The following AFF3 variants were observed in gnomAD, a reference collection of about 807,000 sequenced individuals.
The protein encoded by AFF3 is AF4/FMR2 family member 3.
In AFF3, 32 loss-of-function variants were observed where a neutral mutation model predicts 129.7. That is an observed-to-expected ratio of 0.25 (90% CI 0.19 to 0.33). AFF3 has a LOEUF of 0.33. Among genes scored for constraint, AFF3 ranks in the 10% least tolerant of loss-of-function variants. AFF3 has a pLI of 1.00. For synonymous variants in AFF3, 644 were observed against 635.4 expected (o/e 1.01, Z -0.20); for missense variants, 1,373 against 1,592.0 (o/e 0.86, Z 2.34).
At chr2:100,093,065 G>A (rs983821441) in intron 4 of AFF3, among the ~76,000 whole-genome samples, 22 of 152,174 alleles carry the variant, frequency 1.4e-4, no homozygotes, top group Non-Finnish European at 2.4e-4. Context: ...TACTGTAGAC[G>A]GATTGCGTTA....
intron 4 of AFF3, among the ~76,000 whole-genome samples, chr2:100,051,482 A>G (rs1373537948): frequency 6.6e-6 from 1 of 152,192 alleles, no homozygotes; most frequent in East Asian, 1.9e-4. Flanking sequence ...CCAGAAAAGG[A>G]AGAATTAGGA....
At chr2:100,129,723 TC>T (rs35995762) in intron 1 of AFF3, among the ~76,000 whole-genome samples, 1 of 152,312 alleles carries the variant, frequency 6.6e-6, no homozygotes, top group Admixed American at 6.5e-5. Context: ...CTTAGCATGT[TC>T]CCGGAACTCT....
At chr2:99,707,962 G>A (rs532318033) in intron 11 of AFF3, among the ~76,000 whole-genome samples, 4 of 152,182 alleles carry the variant, frequency 2.6e-5, no homozygotes, top group African/African-American at 9.6e-5. Context: ...TTGGTGGACT[G>A]GACTACAGTC....
chr2:99,711,088 C>T lies in AFF3; in HGVS notation c.1091+15989G>A, dbSNP rs148341158. On this transcript the variant is annotated intron_variant, in intron 11 of 24. Coordinates refer to ENST00000672756, the MANE Select transcript of AFF3 (RefSeq NM_001386135.1). ...CCAGCCTCCTCACAGCCTCAAGATG[C>T]AATTCTCTTGACAGTAGGGAGGGAG... 5.7e-4 allele frequency among the ~76,000 whole-genome samples: 87 copies of T among 152,236 alleles called. 2 individuals are homozygous for T. In the East Asian group the frequency reaches 0.011, roughly 19 times the overall value.
chr2:99,804,120 C>T (rs1274880700), intron 8 of AFF3, among the ~76,000 whole-genome samples: 3 of 152,092 alleles, frequency 2.0e-5, no homozygotes, highest in South Asian at 2.1e-4. Context: ...TTCTGCATAG[C>T]AAAAGAAATA....
At chr2:100,009,458 A>C (rs1258375648) in intron 4 of AFF3, among the ~76,000 whole-genome samples, 2 of 151,860 alleles carry the variant, frequency 1.3e-5, no homozygotes, top group Non-Finnish European at 2.9e-5. Flanking sequence ...GATCTCTGTT[A>C]ATCAGTCAAG....
intron 8 of AFF3, among the ~76,000 whole-genome samples, chr2:99,805,106 G>A (rs948380260): frequency 1.3e-5 from 2 of 152,066 alleles, no homozygotes; most frequent in African/African-American, 4.8e-5. Context: ...ATTTTAACAA[G>A]TTTTCTTAGT....
In AFF3 at chr2:99,582,829, C is replaced by T; in HGVS notation, c.2762G>A (p.Ser921Asn). 1 of 1,614,188 alleles carries T rather than the reference C, an allele frequency of 6.2e-7. No individual in the cohort carries two copies. The highest frequency in any genetic ancestry group is 8.5e-7 in the Non-Finnish European group (1 of 1,180,036). Residue 921 changes from serine to asparagine, a missense_variant, in exon 17 of 25, where the codon AGC becomes AAC. Physicochemically the swap from Ser to Asn is conservative, Grantham distance 46. This residue lies in a region of AFF3 where 466 missense variants were observed against 505.0 expected (regional missense o/e 0.92). Coordinates refer to ENST00000672756, the MANE Select transcript of AFF3 (RefSeq NM_001386135.1). ...ASSSKKPKADSQLQPHGGDLT... is the reference protein window; with the variant it reads ...ASSSKKPKADNQLQPHGGDLT... Reference sequence around the variant, plus strand: ...GTCTCCGCCGTGAGGCTGCAGCTGGCTGTCGGCCTTAGGCTTTTTGCTGGA... The same window carrying T: ...GTCTCCGCCGTGAGGCTGCAGCTGGTTGTCGGCCTTAGGCTTTTTGCTGGA...
chr2:99,890,384 T>C (rs1422352139), intron 7 of AFF3, among the ~76,000 whole-genome samples: 1 of 152,238 alleles, frequency 6.6e-6, no homozygotes, highest in Non-Finnish European at 1.5e-5. Context: ...TCCTTTAGTT[T>C]TGGTATTCAC....
intron 4 of AFF3, among the ~76,000 whole-genome samples, chr2:100,075,743 A>G (rs1688535379): frequency 6.6e-6 from 1 of 152,152 alleles, no homozygotes; most frequent in African/African-American, 2.4e-5. Context: ...CCCAGAATGC[A>G]TTTATCTGAT....
At chr2:100,010,652 A>T (rs776429484) in intron 4 of AFF3, among the ~76,000 whole-genome samples, 14 of 152,226 alleles carry the variant, frequency 9.2e-5, no homozygotes, top group Non-Finnish European at 1.6e-4. Flanking sequence ...CAGCGCTAAC[A>T]TCACGATCAC....
At position 100,007,348 on chromosome 2, in the gene AFF3, G is replaced by C. The variant is rs756647062; in HGVS notation, c.287C>G (p.Pro96Arg). ...AGGAGTCTGAGGAACCCCAGGTTTG[G>C]GAACTCCAACGAGATGACTCTGATT... ...RSNQSHLVGV[P>R]KPGVPQTPVN... Residue 96 changes from proline (P) to arginine (R), a missense_variant, in exon 6 of 25, where the codon CCC becomes CGC. By Grantham distance (103) the Pro-to-Arg change is moderately radical (BLOSUM62 -2). Around this residue, in one of 9 missense-constraint regions of AFF3, gnomAD observed 255 missense variants for 256.0 expected, o/e 1.00. Coordinates refer to ENST00000672756, the MANE Select transcript of AFF3 (RefSeq NM_001386135.1). The C allele has an allele frequency of 3.1e-6, 5 of 1,614,096 alleles. No individual in the cohort carries two copies. In the East Asian group the frequency reaches 8.9e-5, roughly 29 times the overall value.
rs780348235 is a variant in AFF3, at chr2:100,104,554, C to A, written c.-64-36G>T. ...AGGCGCCGCTCAAGGTGCATCCCAG[C>A]CGCGCCAGAGCGGCCGCCGCCCGCC... On this transcript the variant is annotated intron_variant, in intron 3 of 24. Transcript: ENST00000672756. 1.3e-5 allele frequency: 14 copies of A among 1,085,264 alleles called. No individual in the cohort carries two copies. In the South Asian group the frequency reaches 1.4e-4, roughly 11 times the overall value. The allele number at this position is 1,085,264 out of a possible 1,614,324, so 67.2% of individuals were successfully genotyped here.
chr2:99,670,542 T>G (rs1687062684), intron 12 of AFF3, among the ~76,000 whole-genome samples: 1 of 152,034 alleles, frequency 6.6e-6, no homozygotes. Context: ...TGTCTGTGTG[T>G]GTGTGTGTGT....
chr2:100,047,407 A>G (rs1182197377), intron 4 of AFF3, among the ~76,000 whole-genome samples: 2 of 152,194 alleles, frequency 1.3e-5, no homozygotes, highest in African/African-American at 4.8e-5. Flanking sequence ...CTATCTCCCC[A>G]AGGAGACGGT....
At chr2:99,690,266 C>T (rs796752729) in intron 11 of AFF3, among the ~76,000 whole-genome samples, 23 of 149,220 alleles carry the variant, frequency 1.5e-4, no homozygotes, top group East Asian at 6.1e-4. Context: ...CTGCAAGCTC[C>T]GCCTCCCGGG....
intron 16 of AFF3, among the ~76,000 whole-genome samples, 194 bp downstream of exon 16, chr2:99,586,960 G>A (rs1048467600): frequency 5.9e-5 from 9 of 152,218 alleles, no homozygotes; most frequent in East Asian, 5.8e-4. Context: ...AGAACCTTGC[G>A]TGAGTATCTG....
chr2:99,944,015 T>C (rs1314319547), intron 7 of AFF3, among the ~76,000 whole-genome samples: 3 of 151,946 alleles, frequency 2.0e-5, no homozygotes, highest in Admixed American at 6.6e-5. Flanking sequence ...TCCTCCTACC[T>C]CAGTCTCCCA....
chr2:99,710,106 T>C (rs1404133065), intron 11 of AFF3, among the ~76,000 whole-genome samples: 1 of 152,234 alleles, frequency 6.6e-6, no homozygotes, highest in East Asian at 1.9e-4. Flanking sequence ...GTCTCCTTTC[T>C]GAGTTGCTAT....
Sources: allele counts gnomAD v4.1 joint callset (sites outside exome capture counted in the v4.1 genomes callset), GRCh38; gene constraint gnomAD v4.1.1; regional missense constraint gnomAD v4.1.1; transcripts MANE v1.5; gene names NCBI Gene and HGNC (gene_info 2026-07-23, HGNC 2026-07-21).